Variants in RABGAP1L observed in about 807,000 individuals in gnomAD.
RABGAP1L encodes RAB GTPase activating protein 1 like, also known as rab GTPase-activating protein 1-like.
In RABGAP1L, 63 loss-of-function variants were observed where a neutral mutation model predicts 137.7. That is an observed-to-expected ratio of 0.46 (90% confidence interval 0.37 to 0.56). RABGAP1L has a LOEUF of 0.56. Ranked by LOEUF, RABGAP1L falls within the 20% of genes least tolerant of loss-of-function variation. RABGAP1L has a pLI of 0.00. For missense variants in RABGAP1L, 1,095 were observed against 1,244.0 expected, an observed-to-expected ratio of 0.88 and a Z score of 1.80; for synonymous variants, 431 against 433.7, an observed-to-expected ratio of 0.99 and a Z score of 0.08.
intron 10 of RABGAP1L, among the ~76,000 whole-genome samples, chr1:174,283,115 T>C (rs923889556): frequency 5.3e-5 from 8 of 152,238 alleles, no homozygotes; most frequent in African/African-American, 1.9e-4. Context: ...GAAAAATGCA[T>C]GCCCAGGCTG....
At chr1:174,274,112 T>C (rs950740835) in intron 8 of RABGAP1L, among the ~76,000 whole-genome samples, 1 of 152,174 alleles carries the variant, frequency 6.6e-6, no homozygotes, top group Admixed American at 6.5e-5. Context: ...TTTTTTATAA[T>C]CACCTGAAAT....
At chr1:174,376,187 T>A in intron 12 of RABGAP1L, among the ~76,000 whole-genome samples, 66 of 98,752 alleles carry the variant, frequency 6.7e-4, no homozygotes, top group East Asian at 2.0e-3. Context: ...GGAAAGAAAG[T>A]GAAGGAAAGA....
At chr1:174,215,715 T>C (rs900965371) in intron 1 of RABGAP1L, among the ~76,000 whole-genome samples, 4 of 152,130 alleles carry the variant, frequency 2.6e-5, no homozygotes, top group South Asian at 2.1e-4. Context: ...CCTGGTACAC[T>C]GTTGGTGGGA....
intron 19 of RABGAP1L, among the ~76,000 whole-genome samples, chr1:174,862,623 T>A (rs1412085973): frequency 6.6e-6 from 1 of 152,194 alleles, no homozygotes; most frequent in Non-Finnish European, 1.5e-5. Context: ...TCTTACAGCC[T>A]AATTAGCAAG....
intron 11 of RABGAP1L, among the ~76,000 whole-genome samples, chr1:174,344,214 T>C (rs867976531): frequency 6.6e-6 from 1 of 152,210 alleles, no homozygotes; most frequent in South Asian, 2.1e-4. Context: ...TTGAAACTTA[T>C]TTTCGTGGTG....
intron 13 of RABGAP1L, among the ~76,000 whole-genome samples, chr1:174,601,543 G>A (rs930542437): frequency 2.6e-5 from 4 of 152,120 alleles, no homozygotes; most frequent in African/African-American, 7.2e-5. Context: ...AATACCTAAT[G>A]TAAATGACGA....
intron 17 of RABGAP1L, among the ~76,000 whole-genome samples, chr1:174,714,865 T>C (rs1196977663): frequency 1.3e-5 from 2 of 152,250 alleles, no homozygotes; most frequent in Admixed American, 1.3e-4. Flanking sequence ...AGTGTGTGTG[T>C]AATTTAAGAC....
chr1:174,419,440 C>A (rs1397109664), intron 13 of RABGAP1L, among the ~76,000 whole-genome samples: 1 of 152,166 alleles, frequency 6.6e-6, no homozygotes, highest in Non-Finnish European at 1.5e-5. Context: ...TCAGTGAATT[C>A]ATGAGATTAT....
intron 13 of RABGAP1L, among the ~76,000 whole-genome samples, chr1:174,609,647 G>C (rs745729500): frequency 6.6e-5 from 10 of 152,082 alleles, no homozygotes; most frequent in Admixed American, 1.3e-4. Context: ...ACTACTTCAA[G>C]CTATTTTTCT....
intron 11 of RABGAP1L, among the ~76,000 whole-genome samples, chr1:174,340,072 CTT>C (rs973775073): frequency 6.6e-6 from 1 of 151,946 alleles, no homozygotes; most frequent in African/African-American, 2.4e-5. Context: ...TTGGTGACCT[CTT>C]TTTTCTTTTG....
intron 10 of RABGAP1L, among the ~76,000 whole-genome samples, chr1:174,282,346 T>A (rs182161294): frequency 5.3e-4 from 81 of 152,314 alleles, no homozygotes; most frequent in Admixed American, 2.0e-3. Context: ...GGTGTGTAGA[T>A]GTATCTCATT....
At position 174,874,386 on chromosome 1, in the gene RABGAP1L, G is replaced by A. The variant is rs73035396; in HGVS notation, c.2340+62426G>A. The stretch of plus-strand genomic sequence containing the variant: ...GACCATGAGGAAACTGAAACCTAGC[G>A]AAGTTAAATGACTTGCCCGGGGACG... On this transcript the variant is annotated intron_variant, in intron 19 of 25. Coordinates refer to ENST00000681986, the MANE Select transcript of RABGAP1L (RefSeq NM_001366446.1). 1.3e-3 allele frequency: 1,041 copies of A among 786,542 alleles called. 14 individuals are homozygous for A. In the African/African-American group the frequency reaches 0.018, roughly 14 times the overall value. The allele number at this position is 786,542 out of a possible 1,614,324, so 48.7% of individuals were successfully genotyped here.
At chr1:174,281,842 T>G (rs1675591581) in intron 10 of RABGAP1L, among the ~76,000 whole-genome samples, 1 of 152,210 alleles carries the variant, frequency 6.6e-6, no homozygotes, top group Non-Finnish European at 1.5e-5. Flanking sequence ...CCCTCACTCT[T>G]AAAAGTTCTA....
intron 19 of RABGAP1L, among the ~76,000 whole-genome samples, chr1:174,956,740 C>T (rs1668570136): frequency 6.6e-6 from 1 of 151,790 alleles, no homozygotes; most frequent in South Asian, 2.1e-4. Flanking sequence ...CTCAGCTTCC[C>T]AGGTTCAAGC....
intron 17 of RABGAP1L, among the ~76,000 whole-genome samples, chr1:174,748,612 C>A (rs1190139856): frequency 6.6e-6 from 1 of 151,962 alleles, no homozygotes; most frequent in African/African-American, 2.4e-5. Flanking sequence ...GGCTCATGCC[C>A]TTAATCTTAG....
chr1:174,180,286 T>C (rs1478559855), intron 1 of RABGAP1L, among the ~76,000 whole-genome samples: 1 of 152,218 alleles, frequency 6.6e-6, no homozygotes, highest in African/African-American at 2.4e-5. Flanking sequence ...TTGGGCAAGT[T>C]GGTGTGACCA....
chr1:174,953,383 T>G (rs574626618), intron 19 of RABGAP1L, among the ~76,000 whole-genome samples: 1 of 152,284 alleles, frequency 6.6e-6, no homozygotes, highest in East Asian at 1.9e-4. Flanking sequence ...GTAAGGCAAA[T>G]GAGTAATTAT....
At chr1:174,931,779 T>G (rs553554286) in intron 19 of RABGAP1L, among the ~76,000 whole-genome samples, 97 of 151,976 alleles carry the variant, frequency 6.4e-4, no homozygotes, top group Non-Finnish European at 1.3e-3. Context: ...ATATTTCACC[T>G]AAAAAAATTA....
intron 17 of RABGAP1L, among the ~76,000 whole-genome samples, chr1:174,711,689 G>A (rs1196492542): frequency 6.6e-6 from 1 of 152,198 alleles, no homozygotes; most frequent in African/African-American, 2.4e-5. Flanking sequence ...TGGCACTCCT[G>A]CCCTCCACGG....
Sources: allele counts gnomAD v4.1 joint callset (sites outside exome capture counted in the v4.1 genomes callset), GRCh38; gene constraint gnomAD v4.1.1; transcripts MANE v1.5; gene names NCBI Gene and HGNC (gene_info 2026-07-23, HGNC 2026-07-21).